Variants in MLIP observed in about 807,000 individuals in gnomAD.
MLIP encodes muscular LMNA-interacting protein.
In MLIP, 79 loss-of-function variants were observed where a neutral mutation model predicts 84.8. The ratio of observed to expected loss-of-function variants is 0.93; its 90% confidence interval spans 0.78 to 1.12. MLIP has a LOEUF of 1.12. Ranked by LOEUF, MLIP falls within the 50% of genes most tolerant of loss-of-function variation. MLIP has a pLI of 0.00. For missense variants in MLIP, 1,257 were observed against 1,160.6 expected, an observed-to-expected ratio of 1.08 and a Z score of -1.21; for synonymous variants, 504 against 463.0, an observed-to-expected ratio of 1.09 and a Z score of -1.14.
intron 5 of MLIP, among the ~76,000 whole-genome samples, chr6:54,160,054 C>T (rs1486470358): frequency 6.6e-6 from 1 of 151,936 alleles, no homozygotes; most frequent in Admixed American, 6.6e-5. Flanking sequence ...TTCGACAAAC[C>T]TGACAAAAAC....
At chr6:54,168,320 T>C (rs559756353) in intron 8 of MLIP, among the ~76,000 whole-genome samples, 1 of 151,904 alleles carries the variant, frequency 6.6e-6, no homozygotes, top group African/African-American at 2.4e-5. Flanking sequence ...TTTAAAATTG[T>C]AGACTCCCAG....
rs1355782587 is a variant in MLIP at position 54,266,131 on chromosome 6, G to A, written c.*176G>A. ...CAATTATATAGCATCACAGTGCTCT[G>A]CTAACAGCCAGCATAGAAGAGATTT... is the stretch of plus-strand genomic sequence containing the variant. On this transcript the variant is annotated 3_prime_UTR_variant, in exon 14 of 14. Transcript: ENST00000502396. 3 of 628,474 alleles carry A rather than the reference G, an allele frequency of 4.8e-6. No homozygotes were observed. Among genetic ancestry groups the A allele is most frequent in the African/African-American group, 3.7e-5 (2 of 53,742 alleles). The allele number at this position is 628,474 out of a possible 1,614,324, so 38.9% of individuals were successfully genotyped here. A position where few individuals can be genotyped will look rare whatever the true frequency, so the allele number is the denominator to read the frequency against.
At chr6:54,229,001 T>G (rs1342355876) in intron 11 of MLIP, among the ~76,000 whole-genome samples, 1 of 152,252 alleles carries the variant, frequency 6.6e-6, no homozygotes, top group Non-Finnish European at 1.5e-5. Flanking sequence ...ACTGCATATG[T>G]TCCATTAAAG....
chr6:54,236,568 C>T (rs1277785635), intron 12 of MLIP, among the ~76,000 whole-genome samples: 2 of 150,954 alleles, frequency 1.3e-5, no homozygotes, highest in Non-Finnish European at 2.9e-5. Context: ...CTCCATTATA[C>T]TCCAGCCTGG....
chr6:54,192,488 TA>T (rs1403063455), intron 10 of MLIP, among the ~76,000 whole-genome samples: 4 of 152,024 alleles, frequency 2.6e-5, no homozygotes, highest in Non-Finnish European at 4.4e-5. Flanking sequence ...TACACTTAAG[TA>T]ACACTATTTA....
chr6:54,163,963 A>G (rs947235185), intron 8 of MLIP, among the ~76,000 whole-genome samples: 1 of 151,940 alleles, frequency 6.6e-6, no homozygotes, highest in Admixed American at 6.6e-5. Flanking sequence ...TCTTTCTTCA[A>G]CATTTTCCCC....
intron 12 of MLIP, among the ~76,000 whole-genome samples, chr6:54,239,335 G>C (rs1781569479): frequency 7.0e-6 from 1 of 143,102 alleles, no homozygotes; most frequent in African/African-American, 2.8e-5. Context: ...CATGTGTTCT[G>C]ATCAGTCTGG....
intron 11 of MLIP, among the ~76,000 whole-genome samples, chr6:54,203,109 CTCCTTATATATGTTGAAGGAGG>C (rs1778804785): frequency 6.6e-6 from 1 of 152,066 alleles, no homozygotes; most frequent in Non-Finnish European, 1.5e-5. Context: ...ATACTAGATT[CTCCTTATATATGTTGAAGGAGG>C]TATAATGGAG....
intron 1 of MLIP, among the ~76,000 whole-genome samples, chr6:54,019,877 A>G (rs1455861517): frequency 6.6e-6 from 1 of 152,208 alleles, no homozygotes; most frequent in Non-Finnish European, 1.5e-5. Flanking sequence ...CAAGATATTA[A>G]AACTAGAAAA....
upstream of MLIP, among the ~76,000 whole-genome samples, chr6:54,109,930 TTCCTTC>T (rs1561937993): frequency 1.8e-4 from 20 of 109,116 alleles, no homozygotes; most frequent in African/African-American, 6.0e-4. Context: ...TCTTTCTTCC[TTCCTTC>T]CTTCCTTCCT....
chr6:54,249,726 C>T (rs1337412563), intron 12 of MLIP, among the ~76,000 whole-genome samples: 2 of 133,886 alleles, frequency 1.5e-5, no homozygotes, highest in African/African-American at 7.0e-5. Flanking sequence ...CACACACACA[C>T]ACACACACAT....
At chr6:54,105,744 C>T (rs1256206855) in intron 1 of MLIP, among the ~76,000 whole-genome samples, 1 of 151,984 alleles carries the variant, frequency 6.6e-6, no homozygotes, top group East Asian at 1.9e-4. Flanking sequence ...GATATTTGGG[C>T]AGAGACATGA....
At chr6:54,071,527 A>G (rs1214343512) in intron 1 of MLIP, among the ~76,000 whole-genome samples, 1 of 152,152 alleles carries the variant, frequency 6.6e-6, no homozygotes, top group Non-Finnish European at 1.5e-5. Flanking sequence ...AGTAATAATG[A>G]GTTAACCTGT....
At chr6:54,231,182 C>T (rs1188484167) in intron 12 of MLIP, among the ~76,000 whole-genome samples, 1 of 151,972 alleles carries the variant, frequency 6.6e-6, no homozygotes, top group Non-Finnish European at 1.5e-5. Context: ...GTTCTAACTC[C>T]ATGGTGGAAA....
chr6:54,231,940 T>A (rs1204299357), intron 12 of MLIP, among the ~76,000 whole-genome samples: 1 of 152,078 alleles, frequency 6.6e-6, no homozygotes, highest in Non-Finnish European at 1.5e-5. Context: ...AAAATTAGAT[T>A]TTTATATTTA....
At chr6:54,166,599 T>C (rs189299176) in intron 8 of MLIP, among the ~76,000 whole-genome samples, 1 of 151,970 alleles carries the variant, frequency 6.6e-6, no homozygotes, top group Non-Finnish European at 1.5e-5. Flanking sequence ...TTATCATTTC[T>C]TAGTCTCCTT....
intron 5 of MLIP, among the ~76,000 whole-genome samples, chr6:54,157,561 A>C (rs1162506562): frequency 1.3e-5 from 2 of 152,060 alleles, no homozygotes; most frequent in Non-Finnish European, 1.5e-5. Context: ...GTGGCCCTGC[A>C]TGTTTTGTGG....
chr6:54,026,309 C>A (rs1763801513), intron 1 of MLIP, among the ~76,000 whole-genome samples: 1 of 152,132 alleles, frequency 6.6e-6, no homozygotes, highest in African/African-American at 2.4e-5. Context: ...TTAAAAAATT[C>A]TGGTCTTACC....
intron 9 of MLIP, among the ~76,000 whole-genome samples, chr6:54,180,743 C>T (rs908078005): frequency 3.9e-5 from 6 of 152,136 alleles, no homozygotes; most frequent in African/African-American, 1.2e-4. Context: ...AATTCCTTCT[C>T]TGTGTTATCT....
Sources: allele counts gnomAD v4.1 joint callset (sites outside exome capture counted in the v4.1 genomes callset), GRCh38; gene constraint gnomAD v4.1.1; transcripts MANE v1.5; gene names NCBI Gene and HGNC (gene_info 2026-07-23, HGNC 2026-07-21).